Variants in FRY observed in about 807,000 individuals in gnomAD.
The protein encoded by FRY is FRY microtubule binding protein.
A neutral mutation model predicts 348.4 loss-of-function variants in FRY; 128 were observed. The observed-to-expected ratio is 0.37, with a 90% CI of 0.32 to 0.43. The LOEUF (loss-of-function observed/expected upper bound fraction) is 0.43. Ranked by LOEUF, FRY falls within the 20% of genes least tolerant of loss-of-function variation. FRY has a pLI of 1.00. For synonymous variants in FRY, 1,370 were observed against 1,374.7 expected, an observed-to-expected ratio of 1.00 and a Z score of 0.08; for missense variants, 2,736 against 3,695.2, an observed-to-expected ratio of 0.74 and a Z score of 6.73.
At chr13:32,170,354 G>A (rs1200156641) in intron 17 of FRY, among the ~76,000 whole-genome samples, 2 of 152,148 alleles carry the variant, frequency 1.3e-5, no homozygotes, top group African/African-American at 2.4e-5. Flanking sequence ...TTGGAAAACC[G>A]GTGAAATCTG....
chr13:32,071,260 T>C (rs1874638801), intron 1 of FRY, among the ~76,000 whole-genome samples: 1 of 152,222 alleles, frequency 6.6e-6, no homozygotes, highest in Non-Finnish European at 1.5e-5. Flanking sequence ...AACTCATTGG[T>C]AGCTTGATGG....
intron 17 of FRY, 48 bp from the exon 18 acceptor site, chr13:32,170,964 A>G (rs532955095): frequency 1.5e-6 from 2 of 1,311,282 alleles, no homozygotes; most frequent in Non-Finnish European, 2.2e-6. Flanking sequence ...GCTCTAGAAG[A>G]CCAGTTAATA....
intron 36 of FRY, among the ~76,000 whole-genome samples, chr13:32,221,238 A>G (rs1885296302): frequency 6.6e-6 from 1 of 152,234 alleles, no homozygotes; most frequent in Non-Finnish European, 1.5e-5. Flanking sequence ...CCAGCATTCT[A>G]CACTGGACCA....
At chr13:32,218,677 CA>C (rs10717683) in intron 35 of FRY, 71 bp from the exon 36 acceptor site, 102,424 of 561,950 alleles carry the variant, frequency 0.18, 1,256 homozygotes, top group African/African-American at 0.33. Context: ...GACTCCAACT[CA>C]AAAAAAAAAA....
intron 54 of FRY, among the ~76,000 whole-genome samples, chr13:32,266,630 A>G (rs1342095195): frequency 1.3e-5 from 2 of 152,218 alleles, no homozygotes; most frequent in African/African-American, 4.8e-5. Flanking sequence ...GGGAATCTGA[A>G]ATGGAGGAAT....
Position 32,136,989 on chromosome 13 carries a change from T to A in FRY, c.1179+17T>A. 7.5e-7 allele frequency: 1 copy of A among 1,333,840 alleles called. No homozygotes were observed. Among genetic ancestry groups the A allele is most frequent in the Non-Finnish European group, 1.1e-6 (1 of 923,908 alleles). 82.6% of individuals were successfully genotyped at this position (1,333,840 alleles called of 1,614,324 possible). A position where few individuals can be genotyped will look rare whatever the true frequency, so the allele number is the denominator to read the frequency against. On this transcript the variant is annotated intron_variant, in intron 11 of 60. Coordinates refer to ENST00000542859, the MANE Select transcript of FRY (RefSeq NM_023037.3). Reference sequence around the variant, plus strand: ...AACCTTAAAGTTAGTATTTGTCAGCTCAAAAACGATCTCTTTAAAAAATTT... The same window carrying A: ...AACCTTAAAGTTAGTATTTGTCAGCACAAAAACGATCTCTTTAAAAAATTT...
At chr13:32,073,112 T>A (rs1391462721) in intron 1 of FRY, among the ~76,000 whole-genome samples, 1 of 152,226 alleles carries the variant, frequency 6.6e-6, no homozygotes, top group Non-Finnish European at 1.5e-5. Context: ...GTTGAAAAAT[T>A]AGCTCTGTGC....
Position 32,209,683 on chromosome 13 carries a change from C to G in FRY, c.4374C>G (p.Phe1458Leu). Residue 1458 changes from phenylalanine to leucine, a missense_variant, in exon 33 of 61, where the codon TTC (phenylalanine) becomes TTG (leucine). Coordinates refer to ENST00000542859, the MANE Select transcript of FRY (RefSeq NM_023037.3). Reference protein sequence around the residue: ...WSNNLRITLQFLISLCGVSSD... With the variant: ...WSNNLRITLQLLISLCGVSSD... ...ACAACCTGAGGATCACCTTGCAGTT[C>G]CTGATTAGCCTCTGTGGGGTCAGCA... is the stretch of plus-strand genomic sequence containing the variant. 6.2e-7 allele frequency: 1 copy of G among 1,614,094 alleles called. No individual in the cohort carries two copies. The highest frequency in any genetic ancestry group is 8.5e-7 in the Non-Finnish European group (1 of 1,179,960).
At chr13:32,116,622 AT>A (rs1316507037) in intron 3 of FRY, among the ~76,000 whole-genome samples, 1 of 152,144 alleles carries the variant, frequency 6.6e-6, no homozygotes, top group Non-Finnish European at 1.5e-5. Flanking sequence ...TTTATGAGGC[AT>A]TTTGTGGAAA....
chr13:32,053,575 A>G (rs1180973803), intron 1 of FRY, among the ~76,000 whole-genome samples: 1 of 152,226 alleles, frequency 6.6e-6, no homozygotes, highest in Non-Finnish European at 1.5e-5. Flanking sequence ...TGGCAACATC[A>G]GCCTATGAAC....
At chr13:32,060,004 T>C (rs1001742199) in intron 1 of FRY, among the ~76,000 whole-genome samples, 9 of 152,266 alleles carry the variant, frequency 5.9e-5, no homozygotes, top group African/African-American at 2.2e-4. Context: ...ACATTTTCTT[T>C]CTTCCTGTGA....
At chr13:32,184,544 C>T (rs1882904049) in intron 24 of FRY, 56 bp from the exon 25 acceptor site, 1 of 1,070,596 alleles carries the variant, frequency 9.3e-7, no homozygotes, top group African/African-American at 1.6e-5. Context: ...TTTTCTAAAA[C>T]AAAGTTAATA....
chr13:32,116,667 TG>T (rs1489121768), intron 3 of FRY, among the ~76,000 whole-genome samples: 1 of 152,180 alleles, frequency 6.6e-6, no homozygotes, highest in Admixed American at 6.5e-5. Flanking sequence ...TGGATTGAAG[TG>T]TTTTTTTATA....
At chr13:32,150,443 T>C (rs1001651730) in intron 14 of FRY, among the ~76,000 whole-genome samples, 2 of 152,196 alleles carry the variant, frequency 1.3e-5, no homozygotes, top group Admixed American at 6.5e-5. Context: ...TCTTTTTCTA[T>C]GAGGTTGTAG....
chr13:32,251,398 T>A (rs1016476466), intron 49 of FRY, among the ~76,000 whole-genome samples: 4 of 152,214 alleles, frequency 2.6e-5, no homozygotes, highest in African/African-American at 9.6e-5. Flanking sequence ...AAGAGACTCA[T>A]GCTGTAACTT....
At chr13:32,250,931 G>A (rs745683912) in intron 49 of FRY, among the ~76,000 whole-genome samples, 1 of 152,172 alleles carries the variant, frequency 6.6e-6, no homozygotes, top group Admixed American at 6.5e-5. Flanking sequence ...ATCGTTTAGC[G>A]AGTCTTCTGC....
chr13:32,157,127 A>G (rs1347496316), intron 15 of FRY, 146 bp from the exon 16 acceptor site: 10 of 709,448 alleles, frequency 1.4e-5, no homozygotes, highest in Non-Finnish European at 2.5e-5. Context: ...AAAGCTGTGC[A>G]GATGAGATTG....
chr13:32,270,597 C>T (rs1430716204), intron 55 of FRY, among the ~76,000 whole-genome samples: 1 of 152,200 alleles, frequency 6.6e-6, no homozygotes, highest in African/African-American at 2.4e-5. Context: ...ATTATTCATG[C>T]TTAATTTGAC....
chr13:32,251,785 G>A, intron 49 of FRY, 93 bp from the exon 50 acceptor site: 2 of 796,162 alleles, frequency 2.5e-6, no homozygotes, highest in Non-Finnish European at 4.6e-6. Flanking sequence ...TATACGTTAA[G>A]TGCTATTGCC....
Sources: gnomAD v4.1 joint callset for allele counts (sites outside exome capture counted in the v4.1 genomes callset) on GRCh38, gnomAD v4.1.1 for gene constraint, MANE v1.5 for transcripts, NCBI Gene and HGNC (gene_info 2026-07-23, HGNC 2026-07-21) for gene names.